Variants in CSMD1 observed in about 807,000 individuals in gnomAD.
CSMD1 encodes CUB and Sushi multiple domains 1, also known as CUB and sushi domain-containing protein 1.
In CSMD1, 213 loss-of-function variants were observed where a neutral mutation model predicts 417.5. The ratio of observed to expected loss-of-function variants is 0.51; its 90% CI spans 0.46 to 0.57. The LOEUF (loss-of-function observed/expected upper bound fraction) is 0.57. CSMD1 is among the 20% of genes least tolerant of loss of function. CSMD1 has a pLI of 0.00. For missense variants in CSMD1, 6,923 were observed against 4,529.7 expected (o/e 1.53, Z -15.17); for synonymous variants, 2,862 against 1,736.8 (o/e 1.65, Z -16.11).
intron 20 of CSMD1, among the ~76,000 whole-genome samples, chr8:3,361,371 G>C (rs868224979): frequency 1.3e-5 from 2 of 152,024 alleles, no homozygotes; most frequent in African/African-American, 4.8e-5. Context: ...GCTCATACCT[G>C]TAATCTCAGC....
intron 23 of CSMD1, among the ~76,000 whole-genome samples, chr8:3,334,333 A>G (rs530056575): frequency 3.3e-5 from 5 of 152,242 alleles, no homozygotes; most frequent in Admixed American, 1.3e-4. Flanking sequence ...CATGCTTGCA[A>G]TATTTTCTCC....
At chr8:3,479,983 T>C (rs189742345) in intron 11 of CSMD1, among the ~76,000 whole-genome samples, 37 of 152,178 alleles carry the variant, frequency 2.4e-4, no homozygotes, top group Middle Eastern at 3.4e-3. Flanking sequence ...AATATTAAAA[T>C]TGAAATGAGC....
chr8:3,046,936 G>A (rs1364652690), intron 50 of CSMD1, among the ~76,000 whole-genome samples: 1 of 152,170 alleles, frequency 6.6e-6, no homozygotes, highest in African/African-American at 2.4e-5. Context: ...GAGCCGCTCT[G>A]GGCCAGGCGC....
intron 3 of CSMD1, among the ~76,000 whole-genome samples, chr8:4,186,106 G>A (rs1170873994): frequency 1.3e-5 from 2 of 152,100 alleles, no homozygotes; most frequent in Non-Finnish European, 1.5e-5. Flanking sequence ...CTTTGATTGG[G>A]CCATGCCAGG....
chr8:3,683,184 G>A (rs1345042197), intron 7 of CSMD1, among the ~76,000 whole-genome samples: 1 of 150,910 alleles, frequency 6.6e-6, no homozygotes, highest in African/African-American at 2.4e-5. Flanking sequence ...TACCCTAGAA[G>A]TATAATAAGA....
chr8:4,840,643 C>G (rs1439503112), intron 1 of CSMD1, among the ~76,000 whole-genome samples: 3 of 152,172 alleles, frequency 2.0e-5, no homozygotes, highest in Admixed American at 6.5e-5. Context: ...CATTGCTATA[C>G]TTTCTGAGTG....
intron 7 of CSMD1, among the ~76,000 whole-genome samples, chr8:3,667,680 C>T (rs1018440783): frequency 3.9e-5 from 6 of 152,108 alleles, no homozygotes; most frequent in Admixed American, 3.3e-4. Context: ...GTTGTCCACG[C>T]ATGGTGATGA....
intron 25 of CSMD1, among the ~76,000 whole-genome samples, chr8:3,306,068 CT>C (rs979752852): frequency 1.8e-4 from 27 of 152,052 alleles, no homozygotes; most frequent in African/African-American, 6.5e-4. Context: ...GTTCTTGCTC[CT>C]TTTATGTAGG....
At chr8:3,307,842 T>C (rs1170758441) in intron 24 of CSMD1, 21 bp from the exon 25 acceptor site, 2 of 1,605,130 alleles carry the variant, frequency 1.2e-6, no homozygotes, top group Admixed American at 3.4e-5. Flanking sequence ...CACAGAGAGA[T>C]GGGAACGTTC....
At chr8:3,674,644 T>G (rs1456752168) in intron 7 of CSMD1, among the ~76,000 whole-genome samples, 2 of 152,108 alleles carry the variant, frequency 1.3e-5, no homozygotes, top group Non-Finnish European at 2.9e-5. Context: ...ATAATAAAAC[T>G]GAGTCAAAAA....
chr8:3,652,713 C>G (rs999147897), intron 7 of CSMD1, among the ~76,000 whole-genome samples: 1 of 152,138 alleles, frequency 6.6e-6, no homozygotes, highest in African/African-American at 2.4e-5. Context: ...TCAATTATCT[C>G]CAAGTGACCC....
At chr8:4,438,100 C>G (rs1427222003) in intron 2 of CSMD1, among the ~76,000 whole-genome samples, 4 of 152,166 alleles carry the variant, frequency 2.6e-5, no homozygotes, top group African/African-American at 9.7e-5. Flanking sequence ...CAAGTTCCTG[C>G]TGTTTCTAGC....
chr8:3,459,499 G>A (rs536027283), intron 12 of CSMD1, among the ~76,000 whole-genome samples: 3 of 152,242 alleles, frequency 2.0e-5, no homozygotes, highest in South Asian at 4.1e-4. Context: ...CCACGCATGC[G>A]GCAGTCGGAG....
chr8:3,171,937 A>G (rs1326429072), intron 37 of CSMD1, among the ~76,000 whole-genome samples: 3 of 152,196 alleles, frequency 2.0e-5, no homozygotes, highest in Non-Finnish European at 4.4e-5. Flanking sequence ...CTGTGACTCA[A>G]CAGTTTTCCC....
intron 10 of CSMD1, among the ~76,000 whole-genome samples, chr8:3,557,998 C>T (rs1799231598): frequency 6.6e-6 from 1 of 152,030 alleles, no homozygotes; most frequent in African/African-American, 2.4e-5. Context: ...CAGTGGTACC[C>T]TGTGTCCACT....
At chr8:4,354,190 G>A (rs1235988945) in intron 3 of CSMD1, among the ~76,000 whole-genome samples, 1 of 152,092 alleles carries the variant, frequency 6.6e-6, no homozygotes, top group Non-Finnish European at 1.5e-5. Context: ...ATGTCCACAA[G>A]CACATCTTCA....
At chr8:3,333,720 G>T (rs1051336678) in intron 23 of CSMD1, among the ~76,000 whole-genome samples, 1 of 152,084 alleles carries the variant, frequency 6.6e-6, no homozygotes, top group Non-Finnish European at 1.5e-5. Flanking sequence ...TCTTAGCATG[G>T]TTGTGAATAA....
intron 42 of CSMD1, among the ~76,000 whole-genome samples, chr8:3,116,888 C>T (rs370428110): frequency 4.0e-5 from 6 of 151,780 alleles, no homozygotes; most frequent in South Asian, 4.2e-4. Flanking sequence ...GTTTCTAGAA[C>T]GGAAAGTAGA....
At chr8:4,672,489 A>G (rs973834243) in intron 1 of CSMD1, among the ~76,000 whole-genome samples, 9 of 152,202 alleles carry the variant, frequency 5.9e-5, no homozygotes. Context: ...CTTTTATATT[A>G]CTGATGAAAA....
Sources: allele counts gnomAD v4.1 joint callset (sites outside exome capture counted in the v4.1 genomes callset), GRCh38; gene constraint gnomAD v4.1.1; transcripts MANE v1.5; gene names NCBI Gene and HGNC (gene_info 2026-07-23, HGNC 2026-07-21).